Variants in UGT1A4 observed in about 807,000 individuals in gnomAD.
UGT1A4 encodes UDP glucuronosyltransferase family 1 member A4.
In UGT1A4, 32 loss-of-function variants were observed where a neutral mutation model predicts 41.1. That is an observed-to-expected ratio of 0.78 (90% CI 0.59 to 1.05). The LOEUF (loss-of-function observed/expected upper bound fraction) is 1.05, where lower values mean the gene tolerates loss of function less well. Among genes scored for constraint, UGT1A4 ranks in the 50% least tolerant of loss-of-function variants. UGT1A4 has a pLI of 0.00. For missense variants in UGT1A4, 748 were observed against 677.4 expected (o/e 1.10, Z -1.16); for synonymous variants, 283 against 265.1 (o/e 1.07, Z -0.66).
Position 233,744,237 on chromosome 2 carries a change from T to C in UGT1A4, c.868-22797T>C, listed in dbSNP as rs1220461600. On this transcript the variant is annotated intron_variant, in intron 1 of 4. Coordinates refer to ENST00000373409, the MANE Select transcript of UGT1A4 (RefSeq NM_007120.3). ...GTTGGGGAAAAGAGAGGGCCTTGACTTTGGCTGCCTGAAGAACTGTTTTTC... is the reference window on the plus strand; with the variant it reads ...GTTGGGGAAAAGAGAGGGCCTTGACCTTGGCTGCCTGAAGAACTGTTTTTC... Among the ~76,000 whole-genome samples, 6 of 151,784 alleles carry C rather than the reference T, an allele frequency of 4.0e-5. 1 individual carries two copies. Among genetic ancestry groups the C allele is most frequent in the African/African-American group, 1.5e-4 (6 of 41,066 alleles).
At chr2:233,725,041 G>A (rs1430842810) in intron 1 of UGT1A4, among the ~76,000 whole-genome samples, 13 of 148,226 alleles carry the variant, frequency 8.8e-5, no homozygotes, top group African/African-American at 3.3e-4. Flanking sequence ...ACCAAAACCA[G>A]TCAGGCGTGG....
At position 233,769,619 on chromosome 2, in the gene UGT1A4, C is replaced by G; in HGVS notation, c.1307+1180C>G. The G allele has an allele frequency of 1.9e-6, 3 of 1,612,516 alleles. No individual in the cohort carries two copies. The highest frequency in any genetic ancestry group is 2.5e-6 in the Non-Finnish European group (3 of 1,179,738). ...GAACACGGGGACACACCAGCTTGAG[C>G]AAGGGACAACAGGGGAGGACTGATG... On this transcript the variant is annotated intron_variant, in intron 4 of 4. Transcript: ENST00000373409. This position sits in a 1 kb window ranked among gnomAD's most constrained non-coding sequence, Gnocchi z 4.4.
chr2:233,754,900 C>G, intron 1 of UGT1A4: 3 of 1,352,224 alleles, frequency 2.2e-6, no homozygotes, highest in Non-Finnish European at 3.0e-6. Flanking sequence ...CTCTGACCCC[C>G]CAAAATATTC....
intron 1 of UGT1A4, among the ~76,000 whole-genome samples, chr2:233,744,814 C>G (rs571865422): frequency 1.3e-5 from 2 of 151,886 alleles, no homozygotes; most frequent in Non-Finnish European, 2.9e-5. Flanking sequence ...GATTTCCTGG[C>G]TCATACTTTG....
chr2:233,737,919 T>C (rs1472023706), intron 1 of UGT1A4, among the ~76,000 whole-genome samples: 1 of 152,102 alleles, frequency 6.6e-6, no homozygotes, highest in African/African-American at 2.4e-5. Flanking sequence ...CAGGCTAGTG[T>C]ATTTAGTAGT....
At chr2:233,768,026 TG>T (rs1699551071) in intron 3 of UGT1A4, 90 bp downstream of exon 3, 2 of 1,613,156 alleles carry the variant, frequency 1.2e-6, no homozygotes, top group Non-Finnish European at 1.7e-6. Context: ...TTGTTGAGCT[TG>T]AAAATATTAT....
Position 233,719,440 on chromosome 2 carries a change from T to G in UGT1A4, c.620T>G (p.Phe207Cys), listed in dbSNP as rs2076766565. The G allele has an allele frequency of 3.7e-6, 6 of 1,613,928 alleles. No individual in the cohort carries two copies. In the East Asian group the frequency reaches 1.3e-4, roughly 36 times the overall value. ...LLTTNSDHMT[F>C]LQRVKNMLYP... ...ACGACCAATTCAGACCACATGACAT[T>G]CCTGCAAAGGGTCAAGAACATGCTC... Residue 207 changes from phenylalanine to cysteine, a missense_variant, in exon 1 of 5, where the codon TTC becomes TGC. Coordinates refer to ENST00000373409, the MANE Select transcript of UGT1A4 (RefSeq NM_007120.3).
intron 1 of UGT1A4, among the ~76,000 whole-genome samples, chr2:233,759,283 A>C (rs562983605): frequency 1.3e-5 from 2 of 152,282 alleles, no homozygotes; most frequent in East Asian, 3.9e-4. Flanking sequence ...TGATTGGTTG[A>C]TGAAGCTGAG....
At chr2:233,765,847 T>G (rs531904348) in intron 1 of UGT1A4, among the ~76,000 whole-genome samples, 5 of 152,168 alleles carry the variant, frequency 3.3e-5, no homozygotes, top group African/African-American at 9.6e-5. Context: ...CTTGTCCCCC[T>G]CACAGAGCAT....
chr2:233,729,694 C>G, intron 1 of UGT1A4: 3 of 1,613,908 alleles, frequency 1.9e-6, no homozygotes, highest in Non-Finnish European at 2.5e-6. Flanking sequence ...GTGTCCAAAC[C>G]CTTCCTCCTA....
At chr2:233,734,961 G>T (rs2078591485) in intron 1 of UGT1A4, among the ~76,000 whole-genome samples, 1 of 152,202 alleles carries the variant, frequency 6.6e-6, no homozygotes, top group South Asian at 2.1e-4. Flanking sequence ...GAATAAGTGT[G>T]ATGTGGTGCT....
At chr2:233,760,129 C>T (rs1575768749) in intron 1 of UGT1A4, 2 of 1,354,926 alleles carry the variant, frequency 1.5e-6, no homozygotes, top group Non-Finnish European at 2.0e-6. Flanking sequence ...GCTCCACCTT[C>T]TTTATCTCTG....
At chr2:233,751,245 G>A (rs961434580) in intron 1 of UGT1A4, among the ~76,000 whole-genome samples, 1 of 151,950 alleles carries the variant, frequency 6.6e-6, no homozygotes, top group Admixed American at 6.5e-5. Context: ...TTTTGGACTT[G>A]CATGGGGCCT....
At chr2:233,728,549 A>T (rs966013125) in intron 1 of UGT1A4, among the ~76,000 whole-genome samples, 3 of 152,184 alleles carry the variant, frequency 2.0e-5, no homozygotes, top group Non-Finnish European at 4.4e-5. Context: ...GTCCTCTCTG[A>T]TCCTTACAAG....
rs146169334 is a variant in UGT1A4 at position 233,742,180 on chromosome 2, T to C, written c.867+22493T>C. 6.3e-4 allele frequency among the ~76,000 whole-genome samples: 95 copies of C among 151,416 alleles called. 3 individuals carry two copies. The highest frequency in any genetic ancestry group is 2.3e-3 in the African/African-American group (94 of 40,990). On this transcript the variant is annotated intron_variant, in intron 1 of 4. Transcript: ENST00000373409. Reference sequence around the variant, plus strand: ...AAGACACACACACAGAAATATAGAGTGTGGAGTGGGAAATCAGGGGACTCA... The same window carrying C: ...AAGACACACACACAGAAATATAGAGCGTGGAGTGGGAAATCAGGGGACTCA...
At chr2:233,759,148 C>T (rs958103871) in intron 1 of UGT1A4, among the ~76,000 whole-genome samples, 4 of 152,184 alleles carry the variant, frequency 2.6e-5, no homozygotes, top group African/African-American at 9.7e-5. Context: ...AAGGTGAGTT[C>T]CACAGAACAC....
At chr2:233,742,331 G>A (rs1268078196) in intron 1 of UGT1A4, among the ~76,000 whole-genome samples, 3 of 151,974 alleles carry the variant, frequency 2.0e-5, no homozygotes, top group South Asian at 4.1e-4. Context: ...GAAACAAAGG[G>A]ATGGGCTCTG....
chr2:233,743,820 C>T (rs753368953), intron 1 of UGT1A4: 5 of 1,367,258 alleles, frequency 3.7e-6, no homozygotes, highest in Non-Finnish European at 4.9e-6. Context: ...GGGTTTTTGT[C>T]GGGGTGCCAC....
At chr2:233,724,531 C>G (rs557040072) in intron 1 of UGT1A4, among the ~76,000 whole-genome samples, 1 of 121,546 alleles carries the variant, frequency 8.2e-6, no homozygotes, top group African/African-American at 3.4e-5. Flanking sequence ...GGGGTCTCGC[C>G]GGGCAGAGGC....
Sources: allele counts gnomAD v4.1 joint callset (sites outside exome capture counted in the v4.1 genomes callset), GRCh38; gene constraint gnomAD v4.1.1; non-coding constraint Gnocchi (gnomAD v3.1); transcripts MANE v1.5; gene names NCBI Gene and HGNC (gene_info 2026-07-23, HGNC 2026-07-21).